Variants in XKR9 observed in about 807,000 individuals in gnomAD.
The protein encoded by XKR9 is XK related 9, also known as XK-related protein 9.
A neutral mutation model predicts 32.0 loss-of-function variants in XKR9; 32 were observed. The observed-to-expected ratio is 1.00, with a 90% CI of 0.76 to 1.34. The LOEUF (loss-of-function observed/expected upper bound fraction) is 1.34. XKR9 is among the 40% of genes most tolerant of loss of function. The pLI is 0.00. For synonymous variants in XKR9, 168 were observed against 143.4 expected, an observed-to-expected ratio of 1.17 and a Z score of -1.22; for missense variants, 546 against 429.7, an observed-to-expected ratio of 1.27 and a Z score of -2.39.
the XKR9 span, among the ~76,000 whole-genome samples, chr8:71,016,345 G>C: frequency 4.7e-3 from 713 of 152,148 alleles, 10 homozygotes; most frequent in African/African-American, 0.016. Context: ...CCTGAGATCT[G>C]TTTAAGCCAC....
the XKR9 span, among the ~76,000 whole-genome samples, chr8:70,877,644 A>G: frequency 6.6e-6 from 1 of 152,252 alleles, no homozygotes; most frequent in African/African-American, 2.4e-5. Context: ...CAAAGCTTCC[A>G]AGAAATATGG....
the XKR9 span, among the ~76,000 whole-genome samples, chr8:70,942,953 G>A: frequency 5.9e-5 from 9 of 152,184 alleles, no homozygotes; most frequent in South Asian, 8.3e-4. Context: ...TTTAGTAAGC[G>A]TGTGTCTAGT....
At chr8:71,036,778 T>TAAA in the XKR9 span, among the ~76,000 whole-genome samples, 1 of 152,052 alleles carries the variant, frequency 6.6e-6, no homozygotes, top group Admixed American at 6.5e-5. Flanking sequence ...AATACTAGTG[T>TAAA]AAATATAATA....
chr8:70,903,740 A>G, the XKR9 span, among the ~76,000 whole-genome samples: 1 of 151,872 alleles, frequency 6.6e-6, no homozygotes, highest in African/African-American at 2.4e-5. Context: ...TAAGGTTTCA[A>G]TTTTAGATCT....
chr8:70,826,127 G>A, the XKR9 span, among the ~76,000 whole-genome samples: 1,693 of 152,068 alleles, frequency 0.011, 29 homozygotes, highest in African/African-American at 0.037. Context: ...GTTTTCCAAG[G>A]GAAGACCTTA....
At chr8:70,909,703 C>CTTTTTTTT in the XKR9 span, among the ~76,000 whole-genome samples, 1 of 91,168 alleles carries the variant, frequency 1.1e-5, no homozygotes, top group Non-Finnish European at 2.1e-5. Flanking sequence ...TCGATTTATC[C>CTTTTTTTT]TTTTTTTTTT....
At chr8:71,050,760 C>G in the XKR9 span, among the ~76,000 whole-genome samples, 2 of 152,118 alleles carry the variant, frequency 1.3e-5, no homozygotes, top group African/African-American at 4.8e-5. Flanking sequence ...TAAATGAAAT[C>G]TACTGCACTT....
At chr8:70,817,556 G>A in the XKR9 span, among the ~76,000 whole-genome samples, 1 of 151,926 alleles carries the variant, frequency 6.6e-6, no homozygotes, top group African/African-American at 2.4e-5. Context: ...GCTACCCAAA[G>A]CAATCTATAG....
At chr8:70,739,115 A>G (rs1281573877), downstream of XKR9, among the ~76,000 whole-genome samples, 2 of 151,962 alleles carry the variant, frequency 1.3e-5, no homozygotes. Context: ...GTCTGTTTGT[A>G]GGTCACTCAG....
At chr8:70,862,315 G>A in the XKR9 span, among the ~76,000 whole-genome samples, 4 of 152,092 alleles carry the variant, frequency 2.6e-5, no homozygotes, top group East Asian at 7.7e-4. Flanking sequence ...TCTCTTATAA[G>A]TCGCTGGTGC....
At chr8:70,862,715 G>A in the XKR9 span, among the ~76,000 whole-genome samples, 2 of 151,902 alleles carry the variant, frequency 1.3e-5, no homozygotes, top group Non-Finnish European at 2.9e-5. Flanking sequence ...GTCTGTATAT[G>A]CATTGCCTCC....
At chr8:70,781,824 T>C (rs930331570) in intron 2 of XKR9, among the ~76,000 whole-genome samples, 1 of 152,298 alleles carries the variant, frequency 6.6e-6, no homozygotes. Flanking sequence ...AAGTGTGTTC[T>C]GAAAAAATAA....
At chr8:70,983,502 C>T in the XKR9 span, among the ~76,000 whole-genome samples, 36 of 152,252 alleles carry the variant, frequency 2.4e-4, no homozygotes, top group East Asian at 3.9e-4. Context: ...TTTATCAGGC[C>T]GGGCACAGTG....
the XKR9 span, among the ~76,000 whole-genome samples, chr8:70,944,290 T>C: frequency 9.2e-5 from 14 of 152,224 alleles, no homozygotes; most frequent in African/African-American, 3.1e-4. Context: ...AAAATATAAG[T>C]GTCTGGCCTA....
chr8:70,811,722 A>C, the XKR9 span, among the ~76,000 whole-genome samples: 161 of 152,134 alleles, frequency 1.1e-3, no homozygotes, highest in Middle Eastern at 6.8e-3. Context: ...ACACATACAC[A>C]CTCCCAAGAC....
At chr8:71,024,383 G>A in the XKR9 span, among the ~76,000 whole-genome samples, 1 of 152,136 alleles carries the variant, frequency 6.6e-6, no homozygotes, top group Non-Finnish European at 1.5e-5. Flanking sequence ...ACTGTGCTGG[G>A]TCTAACCTAT....
the XKR9 span, among the ~76,000 whole-genome samples, chr8:70,921,251 G>A: frequency 6.6e-6 from 1 of 152,214 alleles, no homozygotes; most frequent in African/African-American, 2.4e-5. Context: ...CTATACTGGG[G>A]CCCTCTGGCC....
At chr8:70,851,316 A>G in the XKR9 span, among the ~76,000 whole-genome samples, 1 of 152,246 alleles carries the variant, frequency 6.6e-6, no homozygotes, top group Non-Finnish European at 1.5e-5. Flanking sequence ...TTCCATATTC[A>G]TGGATAGGAA....
chr8:70,810,662 T>TC, the XKR9 span, among the ~76,000 whole-genome samples: 2 of 151,864 alleles, frequency 1.3e-5, no homozygotes, highest in Non-Finnish European at 2.9e-5. Context: ...AAAACAGAAT[T>TC]TAAACCCACA....
Sources: gnomAD v4.1 joint callset for allele counts (sites outside exome capture counted in the v4.1 genomes callset) on GRCh38, gnomAD v4.1.1 for gene constraint, MANE v1.5 for transcripts, NCBI Gene and HGNC (gene_info 2026-07-23, HGNC 2026-07-21) for gene names.